Variants in KCNN2 observed in about 807,000 individuals in gnomAD.
KCNN2 encodes the protein small conductance calcium-activated potassium channel protein 2.
KCNN2 carries 24 observed loss-of-function variants against 55.5 expected under a neutral mutation model. The ratio of observed to expected loss-of-function variants is 0.43; its 90% CI spans 0.31 to 0.61. KCNN2 has a LOEUF of 0.61. Among genes scored for constraint, KCNN2 ranks in the 20% least tolerant of loss-of-function variants. KCNN2 has a pLI of 0.08. For synonymous variants in KCNN2, 431 were observed against 336.1 expected, an observed-to-expected ratio of 1.28 and a Z score of -3.09; for missense variants, 754 against 853.6, an observed-to-expected ratio of 0.88 and a Z score of 1.45.
intron 2 of KCNN2, among the ~76,000 whole-genome samples, chr5:114,279,749 G>C (rs569055196): frequency 7.1e-4 from 108 of 151,634 alleles, no homozygotes; most frequent in Non-Finnish European, 1.1e-3. Context: ...GAATAGTGCC[G>C]CAATAAACAT....
intron 1 of KCNN2, among the ~76,000 whole-genome samples, chr5:114,213,343 CTCA>C (rs1753927882): frequency 6.6e-6 from 1 of 151,538 alleles, no homozygotes; most frequent in African/African-American, 2.4e-5. Context: ...CACTGCAATT[CTCA>C]TCTTCTTCCC....
At chr5:114,204,235 G>A (rs1178299905) in intron 1 of KCNN2, among the ~76,000 whole-genome samples, 1 of 152,080 alleles carries the variant, frequency 6.6e-6, no homozygotes, top group Non-Finnish European at 1.5e-5. Flanking sequence ...CACCTTCAAG[G>A]TTTTAAAATT....
At chr5:114,444,599 AT>A (rs1760332745) in intron 3 of KCNN2, among the ~76,000 whole-genome samples, 1 of 152,130 alleles carries the variant, frequency 6.6e-6, no homozygotes, top group East Asian at 1.9e-4. Flanking sequence ...GGGTTCCTTG[AT>A]TTGAGGGATG....
At chr5:114,129,767 T>G (rs182960170) in intron 1 of KCNN2, among the ~76,000 whole-genome samples, 2 of 152,342 alleles carry the variant, frequency 1.3e-5, no homozygotes, top group Admixed American at 6.5e-5. Context: ...TTGGCCATTG[T>G]GGAGACCTGC....
intron 2 of KCNN2, among the ~76,000 whole-genome samples, chr5:114,252,682 C>G (rs1324109070): frequency 1.3e-5 from 2 of 151,998 alleles, no homozygotes; most frequent in Non-Finnish European, 2.9e-5. Flanking sequence ...ACCCCCCAAC[C>G]TCTGCCATTT....
intron 2 of KCNN2, among the ~76,000 whole-genome samples, chr5:114,311,159 A>T (rs1164034706): frequency 6.6e-6 from 1 of 152,092 alleles, no homozygotes; most frequent in Non-Finnish European, 1.5e-5. Flanking sequence ...GTATATATAT[A>T]TTTTTAATAT....
intron 1 of KCNN2, among the ~76,000 whole-genome samples, chr5:114,073,040 T>C (rs1161705016): frequency 6.6e-6 from 1 of 152,190 alleles, no homozygotes; most frequent in African/African-American, 2.4e-5. Flanking sequence ...GAGACAACTT[T>C]TGTTGTAGTT....
At chr5:114,166,350 T>C (rs533453950) in intron 1 of KCNN2, among the ~76,000 whole-genome samples, 3 of 152,286 alleles carry the variant, frequency 2.0e-5, no homozygotes, top group African/African-American at 7.2e-5. Context: ...GTTTCTACTG[T>C]GTAGTAGATA....
intron 1 of KCNN2, among the ~76,000 whole-genome samples, chr5:114,189,478 T>A (rs188752851): frequency 9.2e-5 from 14 of 152,296 alleles, no homozygotes; most frequent in Admixed American, 6.5e-4. Context: ...ATGTTGATCT[T>A]GTCCAAAAAC....
At chr5:114,268,943 TG>T (rs1022150408) in intron 2 of KCNN2, among the ~76,000 whole-genome samples, 10 of 150,834 alleles carry the variant, frequency 6.6e-5, no homozygotes, top group Non-Finnish European at 1.2e-4. Context: ...GTCTCGGGGG[TG>T]GGGGGGTTCT....
chr5:114,074,181 C>T (rs1750633028), intron 1 of KCNN2, among the ~76,000 whole-genome samples: 1 of 152,144 alleles, frequency 6.6e-6, no homozygotes, highest in Non-Finnish European at 1.5e-5. Context: ...CTCTGGGCAT[C>T]TATGTTGATG....
intron 2 of KCNN2, among the ~76,000 whole-genome samples, chr5:114,307,634 C>T (rs1756311671): frequency 2.0e-5 from 3 of 152,122 alleles, no homozygotes. Context: ...CAGTGTATTC[C>T]TGATTACCTT....
intron 4 of KCNN2, among the ~76,000 whole-genome samples, chr5:114,463,511 G>C (rs1322131224): frequency 6.6e-6 from 1 of 152,178 alleles, no homozygotes; most frequent in East Asian, 1.9e-4. Context: ...TCTCCTACTA[G>C]CTGTGCAAAT....
intron 1 of KCNN2, among the ~76,000 whole-genome samples, chr5:114,141,019 C>T (rs1752268282): frequency 6.6e-6 from 1 of 151,844 alleles, no homozygotes; most frequent in Admixed American, 6.6e-5. Context: ...GAACTCTTGA[C>T]CTAGTGATCC....
chr5:114,252,015 A>T (rs1754874746), intron 2 of KCNN2, among the ~76,000 whole-genome samples: 1 of 150,784 alleles, frequency 6.6e-6, no homozygotes, highest in Non-Finnish European at 1.5e-5. Flanking sequence ...AGCAGCTGGG[A>T]TTATAGGCAT....
At chr5:114,438,918 C>T (rs193183945) in intron 3 of KCNN2, among the ~76,000 whole-genome samples, 10 of 152,274 alleles carry the variant, frequency 6.6e-5, no homozygotes, top group Non-Finnish European at 1.5e-4. Context: ...TTGGAAAGCA[C>T]ATTTAATAAC....
intron 3 of KCNN2, among the ~76,000 whole-genome samples, chr5:114,420,533 A>G (rs991754154): frequency 7.2e-5 from 11 of 152,230 alleles, no homozygotes; most frequent in African/African-American, 2.7e-4. Context: ...TGATTTTCTT[A>G]TAGGAGTCTC....
intron 3 of KCNN2, among the ~76,000 whole-genome samples, chr5:114,415,650 G>A (rs1759282062): frequency 6.6e-6 from 1 of 152,154 alleles, no homozygotes; most frequent in South Asian, 2.1e-4. Context: ...TAATAATGGT[G>A]AATATCTTTT....
chr5:114,491,541 A>C (rs1422112521), intron 6 of KCNN2, among the ~76,000 whole-genome samples: 2 of 151,022 alleles, frequency 1.3e-5, no homozygotes, highest in Non-Finnish European at 3.0e-5. Context: ...AAGAAAAAAA[A>C]AAAAAAAGCA....
Sources: gnomAD v4.1 joint callset for allele counts (sites outside exome capture counted in the v4.1 genomes callset) on GRCh38, gnomAD v4.1.1 for gene constraint, MANE v1.5 for transcripts, NCBI Gene and HGNC (gene_info 2026-07-23, HGNC 2026-07-21) for gene names.